The following NFAT5 variants were observed in gnomAD, a reference collection of about 807,000 sequenced individuals.
NFAT5 encodes the protein nuclear factor of activated T cells 5.
A neutral mutation model predicts 166.5 loss-of-function variants in NFAT5; 31 were observed. The ratio of observed to expected loss-of-function variants is 0.19; its 90% CI spans 0.14 to 0.25. The LOEUF is 0.25. Among genes scored for constraint, NFAT5 ranks in the 10% least tolerant of loss-of-function variants. The pLI is 1.00. For missense variants in NFAT5, 1,449 were observed against 1,821.8 expected, an observed-to-expected ratio of 0.80 and a Z score of 3.72; for synonymous variants, 612 against 639.7, an observed-to-expected ratio of 0.96 and a Z score of 0.65.
intron 2 of NFAT5, among the ~76,000 whole-genome samples, chr16:69,580,364 C>T (rs2031591293): frequency 6.6e-6 from 1 of 151,796 alleles, no homozygotes; most frequent in African/African-American, 2.4e-5. Context: ...TGCATCTCTA[C>T]TAAAAAATAC....
intron 3 of NFAT5, among the ~76,000 whole-genome samples, chr16:69,636,111 G>T (rs1200008192): frequency 6.6e-6 from 1 of 152,058 alleles, no homozygotes; most frequent in Non-Finnish European, 1.5e-5. Context: ...AAAACAAAGG[G>T]GTTACAGGGC....
chr16:69,567,128 C>T (rs2016113970), intron 1 of NFAT5, among the ~76,000 whole-genome samples: 1 of 152,178 alleles, frequency 6.6e-6, no homozygotes. Flanking sequence ...CTCTCCTCTC[C>T]CAGGAGGACC....
intron 2 of NFAT5, among the ~76,000 whole-genome samples, chr16:69,571,159 C>T (rs1041707798): frequency 3.8e-4 from 32 of 83,410 alleles, no homozygotes; most frequent in African/African-American, 1.6e-3. Context: ...AAAAAAAAAG[C>T]CAGGCATGGT....
At chr16:69,668,369 T>G (rs537045590) in intron 7 of NFAT5, among the ~76,000 whole-genome samples, 1 of 152,330 alleles carries the variant, frequency 6.6e-6, no homozygotes, top group African/African-American at 2.4e-5. Flanking sequence ...ACAAACAGGT[T>G]AAATATCTCT....
chr16:69,646,640 G>C, intron 3 of NFAT5: 2 of 600,200 alleles, frequency 3.3e-6, no homozygotes, highest in South Asian at 2.4e-5. Context: ...ATTCTATAAT[G>C]AATTATTTAA....
At chr16:69,594,631 C>T (rs2032680806) in intron 2 of NFAT5, among the ~76,000 whole-genome samples, 2 of 152,106 alleles carry the variant, frequency 1.3e-5, no homozygotes, top group Admixed American at 1.3e-4. Context: ...ACATATGTGG[C>T]ACATGACTGT....
chr16:69,603,536 A>T (rs1488808903), intron 2 of NFAT5, among the ~76,000 whole-genome samples: 1 of 152,012 alleles, frequency 6.6e-6, no homozygotes. Context: ...CAGATCACTT[A>T]AACTCAAGAG....
chr16:69,692,402 A>G lies in NFAT5; in HGVS notation c.2577A>G (p.Val859=). The G allele has an allele frequency of 6.2e-7, 1 of 1,614,228 alleles. No homozygotes were observed. The highest frequency in any genetic ancestry group is 2.2e-5 in the East Asian group (1 of 44,884). ...FQQVSQIQSG[V]SPGMFSSTEP... Reference sequence around the variant, plus strand: ...AAGTCAGTCAAATTCAGAGTGGTGTAAGCCCTGGAATGTTTTCCTCAACAG... The same window carrying G: ...AAGTCAGTCAAATTCAGAGTGGTGTGAGCCCTGGAATGTTTTCCTCAACAG... Residue 859 remains valine (V), a synonymous_variant, in exon 13 of 15, where the codon GTA becomes GTG. Transcript: ENST00000349945.
chr16:69,610,909 A>G (rs987814492), intron 2 of NFAT5, among the ~76,000 whole-genome samples: 3 of 151,664 alleles, frequency 2.0e-5, no homozygotes, highest in African/African-American at 2.4e-5. Flanking sequence ...TTGATTGGCT[A>G]TTTATGTGCT....
chr16:69,613,461 A>C (rs1344174153), intron 2 of NFAT5, among the ~76,000 whole-genome samples: 1 of 152,178 alleles, frequency 6.6e-6, no homozygotes. Context: ...CCCTGTCATA[A>C]TCTGGCCTCA....
Position 69,693,826 on chromosome 16 carries a change from C to A in NFAT5, c.4001C>A (p.Ala1334Asp). ...QSIFHQQSNM[A>D]PMNQEQQPMQ... ...ATTTTTCACCAACAAAGTAACATGG[C>A]CCCAATGAATCAAGAGCAACAGCCC... The change falls in exon 13 of 15, where the codon GCC (alanine) becomes GAC (aspartate). Residue 1334 changes from alanine (A) to aspartate (D), a missense_variant. Physicochemically the swap from Ala to Asp is moderately radical, Grantham distance 126. This residue lies in a region of NFAT5 where 891 missense variants were observed against 993.0 expected (regional missense o/e 0.90). Coordinates refer to ENST00000349945, the MANE Select transcript of NFAT5 (RefSeq NM_138713.4). 1 of 1,614,180 alleles carries A rather than the reference C, an allele frequency of 6.2e-7. No homozygotes were observed.
chr16:69,572,305 A>G (rs2016489202), intron 2 of NFAT5, among the ~76,000 whole-genome samples: 1 of 152,216 alleles, frequency 6.6e-6, no homozygotes, highest in Non-Finnish European at 1.5e-5. Flanking sequence ...TAATAAAATA[A>G]GTAAATAAAA....
intron 3 of NFAT5, among the ~76,000 whole-genome samples, chr16:69,631,080 C>A (rs2034692652): frequency 6.6e-6 from 1 of 152,080 alleles, no homozygotes; most frequent in Non-Finnish European, 1.5e-5. Flanking sequence ...ATATATTTTT[C>A]TAAGTGGACT....
chr16:69,659,134 T>TA (rs200784109), intron 6 of NFAT5, among the ~76,000 whole-genome samples: 3 of 151,616 alleles, frequency 2.0e-5, no homozygotes, highest in African/African-American at 4.8e-5. Context: ...TTTTATTTTT[T>TA]TTTTTTTTTT....
intron 7 of NFAT5, among the ~76,000 whole-genome samples, chr16:69,668,275 A>G (rs565643320): frequency 6.6e-6 from 1 of 152,136 alleles, no homozygotes. Context: ...GGCGTGAGCC[A>G]CCTCACCCGG....
Position 69,693,828 on chromosome 16 carries a change from C to A in NFAT5, c.4003C>A (p.Pro1335Thr), listed in dbSNP as rs777250469. The change falls in exon 13 of 15, where the codon CCA (proline) becomes ACA (threonine). Residue 1335 changes from proline (P) to threonine (T), a missense_variant. Pro to Thr is a conservative substitution (Grantham distance 38). Around this residue, in one of 7 missense-constraint regions of NFAT5, gnomAD observed 891 missense variants for 993.0 expected, o/e 0.90. Coordinates refer to ENST00000349945, the MANE Select transcript of NFAT5 (RefSeq NM_138713.4). ...TTTTCACCAACAAAGTAACATGGCC[C>A]CAATGAATCAAGAGCAACAGCCCAT... ...SIFHQQSNMA[P>T]MNQEQQPMQF... is the part of the protein sequence containing the mutation. 1 of 1,614,172 alleles carries A rather than the reference C, an allele frequency of 6.2e-7. No individual in the cohort carries two copies. The highest frequency in any genetic ancestry group is 2.2e-5 in the East Asian group (1 of 44,892).
intron 2 of NFAT5, among the ~76,000 whole-genome samples, chr16:69,614,484 T>C (rs2033847620): frequency 6.6e-6 from 1 of 152,220 alleles, no homozygotes; most frequent in African/African-American, 2.4e-5. Flanking sequence ...CCTAATGAAA[T>C]GTATGCCTGA....
At chr16:69,604,855 A>T (rs2033321732) in intron 2 of NFAT5, among the ~76,000 whole-genome samples, 1 of 152,214 alleles carries the variant, frequency 6.6e-6, no homozygotes, top group South Asian at 2.1e-4. Context: ...AATATTTTTG[A>T]GGTTTATCCA....
intron 1 of NFAT5, among the ~76,000 whole-genome samples, chr16:69,567,080 A>G (rs2016108701): frequency 6.6e-6 from 1 of 151,262 alleles, no homozygotes; most frequent in Non-Finnish European, 1.5e-5. Context: ...CTTCTCCTTT[A>G]CAAAGATGGG....
Sources: gnomAD v4.1 joint callset for allele counts (sites outside exome capture counted in the v4.1 genomes callset) on GRCh38, gnomAD v4.1.1 for gene constraint, gnomAD v4.1.1 regional missense constraint, MANE v1.5 for transcripts, NCBI Gene and HGNC (gene_info 2026-07-23, HGNC 2026-07-21) for gene names.